CYTH2: variants seen among roughly 807,000 people sequenced by gnomAD.
CYTH2 encodes the protein cytohesin-2.
In CYTH2, 24 loss-of-function variants were observed where a neutral mutation model predicts 55.4. The ratio of observed to expected loss-of-function variants is 0.43; its 90% CI spans 0.31 to 0.61. The LOEUF is 0.61. CYTH2 is among the 20% of genes least tolerant of loss of function. CYTH2 has a pLI of 0.08. For synonymous variants in CYTH2, 221 were observed against 209.6 expected (o/e 1.05, Z -0.47); for missense variants, 378 against 533.5 (o/e 0.71, Z 2.87).
chr19:48,472,766 T>C (rs1971829961), intron 4 of CYTH2: 1 of 401,492 alleles, frequency 2.5e-6, no homozygotes, highest in African/African-American at 2.1e-5. Flanking sequence ...AGACCATGGC[T>C]GTGCATAGGC....
Position 48,474,911 on chromosome 19 carries a change from T to C in CYTH2, c.770T>C (p.Phe257Ser). Residue 257 changes from phenylalanine to serine, a missense_variant, in exon 8 of 12, where the codon TTC (phenylalanine) becomes TCC (serine). Physicochemically the swap from Phe to Ser is radical, Grantham distance 155. Coordinates refer to ENST00000452733, the MANE Select transcript of CYTH2 (RefSeq NM_004228.7). This position sits in a 1 kb window ranked among gnomAD's most constrained non-coding sequence, Gnocchi z 4.9. The stretch of plus-strand genomic sequence containing the variant: ...GACGGGAATGACCTGACCCACACCT[T>C]CTTCAACCCGGACCGGGAGGGCTGG... The part of the protein sequence containing the change: ...EDDGNDLTHT[F>S]FNPDREGWLL... 1 of 1,614,134 alleles carries C rather than the reference T, an allele frequency of 6.2e-7. No individual in the cohort carries two copies. Among genetic ancestry groups the C allele is most frequent in the Non-Finnish European group, 8.5e-7 (1 of 1,180,012 alleles).
intron 8 of CYTH2, chr19:48,477,706 G>A (rs989068835): frequency 2.3e-5 from 6 of 257,750 alleles, no homozygotes; most frequent in Non-Finnish European, 4.5e-5. Flanking sequence ...CTTTCTCGCT[G>A]TCTGCCCCAG....
intron 3 of CYTH2, among the ~76,000 whole-genome samples, chr19:48,471,196 C>G (rs186468342): frequency 1.0e-4 from 13 of 129,446 alleles, no homozygotes; most frequent in African/African-American, 5.3e-4. Context: ...GAGTCTTGCT[C>G]TATCACCCAG....
intron 8 of CYTH2, 73 bp downstream of exon 8, chr19:48,475,022 C>T: frequency 7.5e-7 from 1 of 1,326,132 alleles, no homozygotes; most frequent in East Asian, 2.3e-5. Context: ...GACTCAGCTT[C>T]CGCACACACC....
In CYTH2 at chr19:48,479,199, G is replaced by C; in HGVS notation, c.1189G>C (p.Glu397Gln). The C allele has an allele frequency of 6.2e-7, 1 of 1,614,038 alleles. No individual in the cohort carries two copies. The highest frequency in any genetic ancestry group is 8.5e-7 in the Non-Finnish European group (1 of 1,179,960). ...KKRISVKKKQ[E>Q]QP is the part of the protein sequence containing the mutation. ...GCGGATTTCAGTCAAGAAGAAGCAG[G>C]AGCAGCCCTGACCCCCTGCCCCCAA... The change falls in exon 12 of 12, where the codon GAG (glutamate) becomes CAG (glutamine). Residue 397 changes from glutamate (E) to glutamine (Q), a missense_variant. Coordinates refer to ENST00000452733, the MANE Select transcript of CYTH2 (RefSeq NM_004228.7).
chr19:48,473,619 C>T, intron 5 of CYTH2: 1 of 601,184 alleles, frequency 1.7e-6, no homozygotes, highest in Non-Finnish European at 2.9e-6. Flanking sequence ...GTATTTGCCA[C>T]TGTGTCAGCA....
At chr19:48,471,415 G>A (rs920646594) in intron 3 of CYTH2, among the ~76,000 whole-genome samples, 4 of 152,170 alleles carry the variant, frequency 2.6e-5, no homozygotes, top group Non-Finnish European at 4.4e-5. Context: ...GCCTCCCAAA[G>A]TGTTGGGATT....
chr19:48,470,676 G>C lies in CYTH2; in HGVS notation c.234+7G>C. On this transcript the variant is annotated splice_region_variant and intron_variant, in intron 3 of 11. Transcript: ENST00000452733. ...CAACATGGACCCCAAGAAGGTGCTT[G>C]GGGCCACAGGACTGGGATCAGCTGG... 6.2e-7 allele frequency: 1 copy of C among 1,614,202 alleles called. No homozygotes were observed. Among genetic ancestry groups the C allele is most frequent in the Middle Eastern group, 1.6e-4 (1 of 6,062 alleles).
At position 48,474,137 on chromosome 19, in the gene CYTH2, G is replaced by C. The variant is rs1014398047; in HGVS notation, c.548-45G>C. The C allele has an allele frequency of 9.0e-6, 14 of 1,556,792 alleles. No individual in the cohort carries two copies. The Middle Eastern group carries it at 5.2e-4, about 57-fold the overall frequency. On this transcript the variant is annotated intron_variant, in intron 6 of 11. Coordinates refer to ENST00000452733, the MANE Select transcript of CYTH2 (RefSeq NM_004228.7). This position sits in a 1 kb window ranked among gnomAD's most constrained non-coding sequence, Gnocchi z 4.9. Reference sequence around the variant, plus strand: ...GGGTCCTGGGGAATGGGGGCACTGGGGACTGACATGCCTGGGTCGTCACCA... The same window carrying C: ...GGGTCCTGGGGAATGGGGGCACTGGCGACTGACATGCCTGGGTCGTCACCA...
At chr19:48,470,330 T>G (rs916764427) in intron 1 of CYTH2, 23 bp from the exon 2 acceptor site, 1 of 1,590,540 alleles carries the variant, frequency 6.3e-7, no homozygotes, top group Non-Finnish European at 8.6e-7. Context: ...CACTGACTTT[T>G]AAACCTTGAC....
Position 48,469,430 on chromosome 19 carries a change from C to G in CYTH2, c.-78C>G, listed in dbSNP as rs1396411779. 7 of 1,303,660 alleles carry G rather than the reference C, an allele frequency of 5.4e-6. No individual in the cohort carries two copies. The highest frequency in any genetic ancestry group is 1.6e-5 in the African/African-American group (1 of 64,442). 80.8% of individuals were successfully genotyped at this position (1,303,660 alleles called of 1,614,324 possible). A position where few individuals can be genotyped will look rare whatever the true frequency, so the allele number is the denominator to read the frequency against. On this transcript the variant is annotated 5_prime_UTR_variant, in exon 1 of 12. Transcript: ENST00000452733. ...TCCCGGGGCGTTTGAGCGGGCTCAC[C>G]CGAGCCCGCGGGCCAACGCGGATCC...
At chr19:48,478,809 CG>C (rs1971988901) in intron 11 of CYTH2, among the ~76,000 whole-genome samples, 1 of 122,292 alleles carries the variant, frequency 8.2e-6, no homozygotes, top group Non-Finnish European at 1.6e-5. Context: ...GAGGAGGGGC[CG>C]GGGGCCTGGA....
chr19:48,475,437 C>T (rs145332277), intron 8 of CYTH2: 23 of 156,064 alleles, frequency 1.5e-4, no homozygotes, highest in Admixed American at 3.9e-4. Context: ...CGAAACACCA[C>T]CCACAGGCAG....
intron 3 of CYTH2, among the ~76,000 whole-genome samples, chr19:48,471,581 C>G (rs1289222240): frequency 6.6e-6 from 1 of 152,202 alleles, no homozygotes; most frequent in Non-Finnish European, 1.5e-5. Flanking sequence ...GACACCGATA[C>G]CACAGTTCAC....
chr19:48,478,506 C>T lies in CYTH2; in HGVS notation c.1026C>T (p.Asp342=), dbSNP rs775200770. 5.3e-5 allele frequency: 85 copies of T among 1,614,008 alleles called. No individual in the cohort carries two copies. The highest frequency in any genetic ancestry group is 6.4e-5 in the Non-Finnish European group (75 of 1,180,018). The part of the protein sequence containing the change: ...QLIKACKTEA[D]GRVVEGNHMV... ...TCAAAGCCTGCAAAACTGAGGCGGA[C>T]GGCCGAGTGGTGGAGGGAAACCACA... The change falls in exon 11 of 12, where the codon GAC becomes GAT. Residue 342 remains aspartate, a synonymous_variant. Transcript: ENST00000452733.
In CYTH2 at chr19:48,473,288, A is replaced by G. The variant is rs1971841405; in HGVS notation, c.354-10A>G. 1 of 1,613,902 alleles carries G rather than the reference A, an allele frequency of 6.2e-7. No homozygotes were observed. The highest frequency in any genetic ancestry group is 8.5e-7 in the Non-Finnish European group (1 of 1,179,888). ...TCCAAACTGTATGTGTCTTTGTCCCATCCTTCCAGGGAAGAACTGAACCTG... is the reference window on the plus strand; with the variant it reads ...TCCAAACTGTATGTGTCTTTGTCCCGTCCTTCCAGGGAAGAACTGAACCTG... On this transcript the variant is annotated splice_polypyrimidine_tract_variant and intron_variant, in intron 4 of 11. Coordinates refer to ENST00000452733, the MANE Select transcript of CYTH2 (RefSeq NM_004228.7).
chr19:48,476,407 T>TAAAATA (rs112759767), intron 8 of CYTH2: 21,314 of 162,538 alleles, frequency 0.13, 3,491 homozygotes, highest in African/African-American at 0.4. Context: ...CCCGTCTCTA[T>TAAAATA]AAAATAAAAC....
intron 8 of CYTH2, chr19:48,476,251 A>G (rs1455672989): frequency 4.4e-6 from 1 of 228,868 alleles, no homozygotes; most frequent in Non-Finnish European, 9.1e-6. Flanking sequence ...CAACCTGGGC[A>G]ATATAATGAT....
Position 48,478,573 on chromosome 19 carries a change from G to A in CYTH2, c.1093G>A (p.Glu365Lys), listed in dbSNP as rs768292381. ...ISAPTQEEKD[E>K]WIKSIQAAVS... ...GGCCCCCACGCAGGAGGAGAAGGAC[G>A]AGTGGATCAAGTCCATCCAGTGAGC... The change falls in exon 11 of 12, where the codon GAG becomes AAG. Residue 365 changes from glutamate (E) to lysine (K), a missense_variant. Glu to Lys is a moderately conservative substitution (Grantham distance 56). Transcript: ENST00000452733. 8.4e-5 allele frequency: 135 copies of A among 1,612,888 alleles called. 2 individuals carry two copies. Among genetic ancestry groups the A allele is most frequent in the South Asian group, 6.9e-4 (63 of 90,920 alleles).
Sources: gnomAD v4.1 joint callset for allele counts (sites outside exome capture counted in the v4.1 genomes callset) on GRCh38, gnomAD v4.1.1 for gene constraint, Gnocchi (gnomAD v3.1) non-coding constraint, MANE v1.5 for transcripts, NCBI Gene and HGNC (gene_info 2026-07-23, HGNC 2026-07-21) for gene names.